Variants in FKBP5 observed in about 807,000 individuals in gnomAD.
The protein encoded by FKBP5 is peptidyl-prolyl cis-trans isomerase FKBP5.
In FKBP5, 23 loss-of-function variants were observed where a neutral mutation model predicts 50.5. The observed-to-expected ratio is 0.46, with a 90% confidence interval of 0.33 to 0.65. The LOEUF is 0.65. FKBP5 is among the 30% of genes least tolerant of loss of function. FKBP5 has a pLI of 0.02. For missense variants in FKBP5, 411 were observed against 553.1 expected, an observed-to-expected ratio of 0.74 and a Z score of 2.58; for synonymous variants, 176 against 190.6, an observed-to-expected ratio of 0.92 and a Z score of 0.63.
At chr6:35,713,344 T>A (rs1766449399) in intron 2 of FKBP5, among the ~76,000 whole-genome samples, 2 of 152,066 alleles carry the variant, frequency 1.3e-5, no homozygotes, top group Admixed American at 6.6e-5. Context: ...TTTTGCCTCA[T>A]TATGAAGACC....
chr6:35,695,605 A>G (rs909413779), intron 2 of FKBP5, among the ~76,000 whole-genome samples: 1 of 152,234 alleles, frequency 6.6e-6, no homozygotes, highest in African/African-American at 2.4e-5. Context: ...TATATGGAAA[A>G]TCTTAAGGAA....
intron 1 of FKBP5, among the ~76,000 whole-genome samples, chr6:35,645,421 G>A (rs9767565): frequency 0.073 from 11,036 of 152,140 alleles, 796 homozygotes; most frequent in African/African-American, 0.2. Context: ...CGAAGGGTGA[G>A]ACCCCATCTC....
intron 3 of FKBP5, among the ~76,000 whole-genome samples, chr6:35,626,236 T>G (rs1484831441): frequency 2.0e-5 from 3 of 152,144 alleles, no homozygotes; most frequent in African/African-American, 7.2e-5. Context: ...TTTAAATGCT[T>G]TTTATACGTA....
At position 35,649,728 on chromosome 6, in the gene FKBP5, G is replaced by C. The variant is rs74485677; in HGVS notation, c.-19-6885C>G. On this transcript the variant is annotated intron_variant, in intron 1 of 10. Transcript: ENST00000357266. ...AGTAGAGAGCAAAGGCTTGAGAAAAGAACCAGACAGGCTTAAATGCATATA... is the reference window on the plus strand; with the variant it reads ...AGTAGAGAGCAAAGGCTTGAGAAAACAACCAGACAGGCTTAAATGCATATA... Among the ~76,000 whole-genome samples the C allele has an allele frequency of 1.3e-3, 192 of 152,208 alleles. 1 individual carries two copies. The East Asian group carries it at 0.029, about 23-fold the overall frequency.
At chr6:35,705,133 T>C (rs532070177) in intron 2 of FKBP5, among the ~76,000 whole-genome samples, 65 of 146,860 alleles carry the variant, frequency 4.4e-4, no homozygotes, top group African/African-American at 1.6e-3. Context: ...AGAGCAAGAC[T>C]CCGTCTCAAA....
chr6:35,621,103 A>C (rs1025724917), intron 3 of FKBP5, among the ~76,000 whole-genome samples: 1 of 152,220 alleles, frequency 6.6e-6, no homozygotes, highest in Non-Finnish European at 1.5e-5. Flanking sequence ...TTAAACAAAA[A>C]CATATGTGTC....
intron 1 of FKBP5, among the ~76,000 whole-genome samples, chr6:35,679,058 G>C (rs1254568962): frequency 1.3e-5 from 2 of 152,162 alleles, no homozygotes; most frequent in Non-Finnish European, 2.9e-5. Context: ...ATTTCAACCT[G>C]AGCAACAAGT....
intron 1 of FKBP5, among the ~76,000 whole-genome samples, chr6:35,655,904 CAT>C (rs971382077): frequency 6.6e-6 from 1 of 152,160 alleles, no homozygotes; most frequent in African/African-American, 2.4e-5. Flanking sequence ...ATACACAACA[CAT>C]AGCAGATTTA....
intron 2 of FKBP5, among the ~76,000 whole-genome samples, chr6:35,640,933 G>A (rs1764467445): frequency 2.0e-5 from 3 of 152,062 alleles, no homozygotes; most frequent in Non-Finnish European, 4.4e-5. Flanking sequence ...TAATAACAAT[G>A]CCTTCTTCTT....
At chr6:35,679,563 TAC>T (rs770785057) in intron 1 of FKBP5, among the ~76,000 whole-genome samples, 25 of 152,192 alleles carry the variant, frequency 1.6e-4, no homozygotes, top group Non-Finnish European at 3.2e-4. Context: ...AAACATGGCA[TAC>T]ACACACAACG....
At chr6:35,727,551 G>A (rs539349411) in intron 1 of FKBP5, among the ~76,000 whole-genome samples, 1 of 152,304 alleles carries the variant, frequency 6.6e-6, no homozygotes, top group South Asian at 2.1e-4. Flanking sequence ...TGCCAGCCCC[G>A]GGAATCCCTG....
intron 2 of FKBP5, among the ~76,000 whole-genome samples, chr6:35,717,623 C>T (rs1357449983): frequency 6.6e-6 from 1 of 152,104 alleles, no homozygotes; most frequent in African/African-American, 2.4e-5. Context: ...TTTGCAAACT[C>T]GGTGTTGTGG....
At position 35,635,705 on chromosome 6, in the gene FKBP5, T is replaced by TA. The variant is rs559541848; in HGVS notation, c.250+1308dup. Among the ~76,000 whole-genome samples the TA allele has an allele frequency of 5.2e-3, 781 of 150,274 alleles. 3 individuals are homozygous for TA. Among genetic ancestry groups the TA allele is most frequent in the Non-Finnish European group, 8.8e-3 (596 of 67,390 alleles). On this transcript the variant is annotated intron_variant, in intron 3 of 10. Transcript: ENST00000357266. ...TTTGTATATTTTGTATTTTCCAAAA[T>TA]AAAAAAAAAATTAGTGAGACGAGTG...
At chr6:35,657,946 T>C (rs1764998240) in intron 1 of FKBP5, among the ~76,000 whole-genome samples, 1 of 151,874 alleles carries the variant, frequency 6.6e-6, no homozygotes, top group African/African-American at 2.4e-5. Flanking sequence ...AATAAAATTA[T>C]AAGGCCAGGC....
At chr6:35,576,040 T>G in intron 10 of FKBP5, 98 bp from the exon 11 acceptor site, 1 of 836,848 alleles carries the variant, frequency 1.2e-6, no homozygotes, top group Non-Finnish European at 2.1e-6. Context: ...ACACGAGGTA[T>G]TGCAATGATT....
chr6:35,658,309 G>A (rs1398094072), intron 1 of FKBP5, among the ~76,000 whole-genome samples: 2 of 151,672 alleles, frequency 1.3e-5, no homozygotes, highest in Admixed American at 1.3e-4. Context: ...CCAGGAGGCA[G>A]AGCTTGCAGT....
At chr6:35,723,270 A>T (rs1170636847) in intron 1 of FKBP5, among the ~76,000 whole-genome samples, 5 of 151,950 alleles carry the variant, frequency 3.3e-5, no homozygotes, top group South Asian at 2.1e-4. Flanking sequence ...AAATTAAAAT[A>T]AAAATAAATA....
chr6:35,645,391 C>T (rs1012784211), intron 1 of FKBP5, among the ~76,000 whole-genome samples: 1 of 152,082 alleles, frequency 6.6e-6, no homozygotes, highest in African/African-American at 2.4e-5. Context: ...GTGATCATGC[C>T]ACTGTACTCC....
chr6:35,706,759 T>C (rs565178260), intron 2 of FKBP5, among the ~76,000 whole-genome samples: 4 of 152,348 alleles, frequency 2.6e-5, no homozygotes, highest in African/African-American at 7.2e-5. Context: ...CCAAACTATA[T>C]ATACAACGAT....
Sources: gnomAD v4.1 joint callset for allele counts (sites outside exome capture counted in the v4.1 genomes callset) on GRCh38, gnomAD v4.1.1 for gene constraint, MANE v1.5 for transcripts, NCBI Gene and HGNC (gene_info 2026-07-23, HGNC 2026-07-21) for gene names.